The following CD5 variants were observed in gnomAD, a reference collection of about 807,000 sequenced individuals.
CD5 encodes the protein CD5 molecule, also known as T-cell surface glycoprotein CD5.
A neutral mutation model predicts 60.3 loss-of-function variants in CD5; 36 were observed. The observed-to-expected ratio is 0.60, with a 90% CI of 0.46 to 0.79. CD5 has a LOEUF of 0.79. CD5 is among the 30% of genes least tolerant of loss of function. The probability of loss-of-function intolerance (pLI) is 0.00; values close to 1 mark genes in which losing one functional copy is unlikely to be tolerated. For missense variants in CD5, 540 were observed against 630.6 expected, an observed-to-expected ratio of 0.86 and a Z score of 1.54; for synonymous variants, 230 against 257.6, an observed-to-expected ratio of 0.89 and a Z score of 1.03.
At chr11:61,105,201 C>T (rs1860760052) in intron 1 of CD5, among the ~76,000 whole-genome samples, 1 of 152,246 alleles carries the variant, frequency 6.6e-6, no homozygotes, top group Admixed American at 6.5e-5. Context: ...AGTTGCTCCC[C>T]TCTCAGCCCC....
At chr11:61,108,079 C>T (rs945271835) in intron 1 of CD5, among the ~76,000 whole-genome samples, 6 of 152,208 alleles carry the variant, frequency 3.9e-5, no homozygotes, top group Non-Finnish European at 8.8e-5. Context: ...CTCTGAACCT[C>T]GGTTTCCTGA....
At position 61,121,812 on chromosome 11, in the gene CD5, C is replaced by T. The variant is rs1861063481; in HGVS notation, c.1007C>T (p.Thr336Ile). The T allele has an allele frequency of 6.2e-7, 1 of 1,609,236 alleles. No individual in the cohort carries two copies. Among genetic ancestry groups the T allele is most frequent in the South Asian group, 1.1e-5 (1 of 90,744 alleles). Residue 336 changes from threonine to isoleucine, a missense_variant, in exon 6 of 11, where the codon ACA becomes ATA. Thr to Ile is a moderately conservative substitution (Grantham distance 89, BLOSUM62 -1). Coordinates refer to ENST00000347785, the MANE Select transcript of CD5 (RefSeq NM_014207.4). ...CGAGTGCTGGACGCTGGTGACCCAACATCCCGGGGGCTCTTCTGTCCCCAT... is the reference window on the plus strand; with the variant it reads ...CGAGTGCTGGACGCTGGTGACCCAATATCCCGGGGGCTCTTCTGTCCCCAT... ...SYRVLDAGDP[T>I]SRGLFCPHQK...
chr11:61,104,775 C>T (rs1363322062), intron 1 of CD5, among the ~76,000 whole-genome samples: 1 of 152,236 alleles, frequency 6.6e-6, no homozygotes, highest in Non-Finnish European at 1.5e-5. Context: ...CCATTGGCCC[C>T]ATTTTACAGT....
At position 61,121,884 on chromosome 11, in the gene CD5, G is replaced by A. The variant is rs1052526693; in HGVS notation, c.1079G>A (p.Cys360Tyr). Residue 360 changes from cysteine to tyrosine, a missense_variant, in exon 6 of 11, where the codon TGC (cysteine) becomes TAC (tyrosine). Transcript: ENST00000347785. ...CHELWERNSY[C>Y]KKVFVTCQDP... ...GAACTTTGGGAGAGAAATTCCTACT[G>A]CAAGAAGGTGTTTGTCACATGTGAG... The A allele has an allele frequency of 6.5e-7, 1 of 1,549,304 alleles. No individual in the cohort carries two copies. The highest frequency in any genetic ancestry group is 8.8e-7 in the Non-Finnish European group (1 of 1,139,884).
the CD5 span, among the ~76,000 whole-genome samples, chr11:61,097,116 C>A: frequency 2.6e-5 from 4 of 152,204 alleles, no homozygotes; most frequent in African/African-American, 7.2e-5. Context: ...TGTGCCAGTA[C>A]CACAAATTCC....
chr11:61,108,085 C>G (rs1053961763), intron 1 of CD5, among the ~76,000 whole-genome samples: 1 of 152,210 alleles, frequency 6.6e-6, no homozygotes, highest in Non-Finnish European at 1.5e-5. Flanking sequence ...ACCTCGGTTT[C>G]CTGATCTGAA....
Position 61,126,356 on chromosome 11 carries a change from C to T in CD5, c.*71C>T, listed in dbSNP as rs1861148630. 6.6e-6 allele frequency: 1 copy of T among 152,428 alleles called. No individual in the cohort carries two copies. The highest frequency in any genetic ancestry group is 1.5e-5 in the Non-Finnish European group (1 of 68,160). The allele number at this position is 152,428 out of a possible 1,614,324, so 9.4% of individuals were successfully genotyped here. On this transcript the variant is annotated 3_prime_UTR_variant, in exon 11 of 11. Coordinates refer to ENST00000347785, the MANE Select transcript of CD5 (RefSeq NM_014207.4). ...TCCTGAGAAAACTGTCCGCTCTTCA[C>T]TTGAAATCATGTCCCTATTTCTACC...
At chr11:61,098,430 A>G (rs1420381758), upstream of CD5, among the ~76,000 whole-genome samples, 2 of 152,096 alleles carry the variant, frequency 1.3e-5, no homozygotes, top group African/African-American at 4.8e-5. Flanking sequence ...CTTATGCCCA[A>G]TTTCTGCCTC....
chr11:61,110,267 C>T (rs746135399), intron 1 of CD5, among the ~76,000 whole-genome samples: 5 of 151,924 alleles, frequency 3.3e-5, no homozygotes, highest in Admixed American at 6.5e-5. Context: ...AAAGAATATA[C>T]ACAACACACT....
rs1276060759 is a variant in CD5 at position 61,121,583 on chromosome 11, C to G, written c.806-28C>G. 5.6e-6 allele frequency: 8 copies of G among 1,431,624 alleles called. No homozygotes were observed. The East Asian group carries it at 1.0e-4, about 18-fold the overall frequency. 88.7% of individuals were successfully genotyped at this position (1,431,624 alleles called of 1,614,324 possible). On this transcript the variant is annotated intron_variant, in intron 5 of 10. Transcript: ENST00000347785. ...CACAGGCTCAGGTTCACACTTGCACCCTCCTTTCCCATTGCTTCCCCTCTC... is the reference window on the plus strand; with the variant it reads ...CACAGGCTCAGGTTCACACTTGCACGCTCCTTTCCCATTGCTTCCCCTCTC...
chr11:61,112,602 C>T (rs1205714825), intron 1 of CD5, among the ~76,000 whole-genome samples: 2 of 152,046 alleles, frequency 1.3e-5, no homozygotes, highest in East Asian at 3.9e-4. Flanking sequence ...CAAGATCATG[C>T]CACTGCATTC....
rs1861172570 is a variant in CD5 at position 61,127,735 on chromosome 11, A to G, written c.*1450A>G. On this transcript the variant is annotated 3_prime_UTR_variant, in exon 11 of 11. Transcript: ENST00000347785. ...TCGGGGGCAGCCAGTGTCTCCCATCAGTGCCTTTTTTAATAAAAGCTCTTT... is the reference window on the plus strand; with the variant it reads ...TCGGGGGCAGCCAGTGTCTCCCATCGGTGCCTTTTTTAATAAAAGCTCTTT... 1.3e-5 allele frequency: 2 copies of G among 152,218 alleles called. No individual in the cohort carries two copies. Among genetic ancestry groups the G allele is most frequent in the Non-Finnish European group, 2.9e-5 (2 of 68,048 alleles). The allele number at this position is 152,218 out of a possible 1,614,324, so 9.4% of individuals were successfully genotyped here. A position where few individuals can be genotyped will look rare whatever the true frequency, so the allele number is the denominator to read the frequency against.
rs539495256 is a variant in CD5, at chr11:61,114,446, A to G, written c.56-610A>G. On this transcript the variant is annotated intron_variant, in intron 1 of 10. Coordinates refer to ENST00000347785, the MANE Select transcript of CD5 (RefSeq NM_014207.4). ...AGACCCCATCTCTACATACACACAC[A>G]CATACATGCATACATACATACATAC... is the stretch of plus-strand genomic sequence containing the variant. 2.4e-3 allele frequency among the ~76,000 whole-genome samples: 325 copies of G among 133,404 alleles called. 1 individual carries two copies. The highest frequency in any genetic ancestry group is 0.014 in the South Asian group (62 of 4,468). The allele number at this position is 133,404 out of a possible 152,430, so 87.5% of individuals were successfully genotyped here.
At chr11:61,111,735 T>C (rs1565183873) in intron 1 of CD5, among the ~76,000 whole-genome samples, 1 of 152,358 alleles carries the variant, frequency 6.6e-6, no homozygotes, top group East Asian at 1.9e-4. Context: ...CTCTCTGTGC[T>C]CCTGGACAGG....
chr11:61,116,231 A>G (rs920610983), intron 2 of CD5, among the ~76,000 whole-genome samples: 2 of 152,130 alleles, frequency 1.3e-5, no homozygotes, highest in African/African-American at 4.8e-5. Flanking sequence ...TTAAAAAAAT[A>G]TAAAAAGATC....
chr11:61,106,838 A>G (rs1386734629), intron 1 of CD5, among the ~76,000 whole-genome samples: 4 of 152,160 alleles, frequency 2.6e-5, no homozygotes, highest in Non-Finnish European at 5.9e-5. Context: ...CTATAAAAAT[A>G]GGGGTTCCTT....
Position 61,121,997 on chromosome 11 carries a change from G to A in CD5, c.1099+93G>A, listed in dbSNP as rs1053783777. ...GCATGTCTCTAAAGGGAAGCCCTGG[G>A]GAGCTAGACAGAGAGTCCCAGAGAC... On this transcript the variant is annotated intron_variant, in intron 6 of 10. Coordinates refer to ENST00000347785, the MANE Select transcript of CD5 (RefSeq NM_014207.4). 12 of 1,164,588 alleles carry A rather than the reference G, an allele frequency of 1.0e-5. No individual in the cohort carries two copies. The African/African-American group carries it at 1.9e-4, about 18-fold the overall frequency. 72.1% of individuals were successfully genotyped at this position (1,164,588 alleles called of 1,614,324 possible).
At chr11:61,111,973 C>A (rs571599945) in intron 1 of CD5, among the ~76,000 whole-genome samples, 16 of 152,302 alleles carry the variant, frequency 1.1e-4, no homozygotes, top group African/African-American at 3.6e-4. Context: ...CTTGGAGGCA[C>A]AGAGACAGGA....
the CD5 span, among the ~76,000 whole-genome samples, chr11:61,095,691 C>G: frequency 6.6e-6 from 1 of 152,050 alleles, no homozygotes; most frequent in Non-Finnish European, 1.5e-5. Context: ...CATGGAGAGG[C>G]TAAGACGGTA....
Sources: allele counts gnomAD v4.1 joint callset (sites outside exome capture counted in the v4.1 genomes callset), GRCh38; gene constraint gnomAD v4.1.1; transcripts MANE v1.5; gene names NCBI Gene and HGNC (gene_info 2026-07-23, HGNC 2026-07-21).